The following DMD variants were observed in gnomAD, a reference collection of about 807,000 sequenced individuals.
DMD encodes dystrophin, also known as mutant dystrophin.
Under a neutral mutation model 330.1 loss-of-function variants are expected in DMD, and 63 were observed. That is an observed-to-expected ratio of 0.19 (90% CI 0.16 to 0.24). The LOEUF (loss-of-function observed/expected upper bound fraction) is 0.24. DMD is among the 10% of genes least tolerant of loss of function. DMD has a pLI of 1.00. For missense variants in DMD, 3,344 were observed against 2,684.1 expected (o/e 1.25, Z -5.43); for synonymous variants, 1,223 against 959.8 (o/e 1.27, Z -5.07).
intron 62 of DMD, among the ~76,000 whole-genome samples, chrX:31,284,605 C>T (rs1000799030): frequency 3.7e-4 from 34 of 91,087 alleles, no homozygotes; most frequent in African/African-American, 1.3e-3. Context: ...TCTTCTTCTT[C>T]TTTTTTTTGG....
intron 44 of DMD, among the ~76,000 whole-genome samples, chrX:32,097,616 C>A (rs1036217048): frequency 9.0e-6 from 1 of 111,341 alleles, no homozygotes; most frequent in African/African-American, 3.3e-5. Flanking sequence ...TACAAATCAA[C>A]CCTAAGTATA....
chrX:31,557,833 G>A (rs1449635749), intron 55 of DMD, among the ~76,000 whole-genome samples: 1 of 110,162 alleles, frequency 9.1e-6, no homozygotes, highest in African/African-American at 3.3e-5. Context: ...CGGCATAGAC[G>A]TGATACTCAC....
chrX:32,718,653 G>A (rs963315836), intron 7 of DMD, among the ~76,000 whole-genome samples: 10 of 111,798 alleles, frequency 8.9e-5, no homozygotes, highest in Non-Finnish European at 1.7e-4. Flanking sequence ...TTTACTGATA[G>A]GACTGACTAG....
chrX:31,973,837 G>A (rs372994881), intron 44 of DMD, among the ~76,000 whole-genome samples: 2 of 111,656 alleles, frequency 1.8e-5, no homozygotes, highest in East Asian at 2.8e-4. Flanking sequence ...AAGCATGACC[G>A]AATGAGGGCT....
At chrX:32,659,205 C>G in intron 9 of DMD, among the ~76,000 whole-genome samples, 1 of 112,151 alleles carries the variant, frequency 8.9e-6, no homozygotes, top group Non-Finnish European at 1.9e-5. Context: ...AGGACATTAG[C>G]TATATTCACC....
chrX:32,555,429 A>T (rs183409927), intron 16 of DMD, among the ~76,000 whole-genome samples: 41 of 111,876 alleles, frequency 3.7e-4, no homozygotes, highest in Non-Finnish European at 6.0e-4. Context: ...TAGTATTGGA[A>T]GTTCTGACCA....
chrX:33,099,168 C>T (rs997542785), intron 1 of DMD, among the ~76,000 whole-genome samples: 2 of 111,483 alleles, frequency 1.8e-5, no homozygotes, highest in African/African-American at 6.5e-5. Flanking sequence ...CTATTTATTC[C>T]CATTTAGATG....
At chrX:32,846,621 CCT>C (rs2080693688) in intron 3 of DMD, among the ~76,000 whole-genome samples, 1 of 107,996 alleles carries the variant, frequency 9.3e-6, no homozygotes, top group African/African-American at 3.4e-5. Context: ...TCCATTTTTA[CCT>C]CTTAGATTTT....
chrX:32,506,179 G>A (rs749453240), intron 18 of DMD, among the ~76,000 whole-genome samples: 1 of 111,330 alleles, frequency 9.0e-6, no homozygotes, highest in East Asian at 2.8e-4. Context: ...ATGAACTTTG[G>A]GAGATAATGA....
intron 2 of DMD, among the ~76,000 whole-genome samples, chrX:32,897,523 T>A (rs1178732212): frequency 8.9e-6 from 1 of 112,044 alleles, no homozygotes; most frequent in Non-Finnish European, 1.9e-5. Flanking sequence ...ATCCAAATTA[T>A]CCATTAATTG....
In DMD at chrX:31,263,512, T is replaced by C. The variant is rs779658882; in HGVS notation, c.9225-2496A>G. On this transcript the variant is annotated intron_variant, in intron 62 of 78. Coordinates refer to ENST00000357033, the MANE Select transcript of DMD (RefSeq NM_004006.3). The stretch of plus-strand genomic sequence containing the variant: ...CCTCGGCAAAACTGAAAATCTCCTT[T>C]ACTGGAAGAAGGAGGAAATTCTAAG... Among the ~76,000 whole-genome samples, 11 of 112,154 alleles carry C rather than the reference T, an allele frequency of 9.8e-5. No homozygotes were observed. The East Asian group carries it at 2.8e-3, about 29-fold the overall frequency.
Position 32,042,332 on chromosome X carries a change from G to C in DMD, c.6439-73818C>G, listed in dbSNP as rs1049628182. ...AGACCTCAGGAAACTTACAATCATA[G>C]TAGAAGGTGAAGGGCATAGTAGAAA... On this transcript the variant is annotated intron_variant, in intron 44 of 78. Coordinates refer to ENST00000357033, the MANE Select transcript of DMD (RefSeq NM_004006.3). Among the ~76,000 whole-genome samples, 4 of 109,058 alleles carry C rather than the reference G, an allele frequency of 3.7e-5. No individual in the cohort carries two copies. The East Asian group carries it at 1.2e-3, about 32-fold the overall frequency. The allele number at this position is 109,058 out of a possible 115,157, so 94.7% of individuals were successfully genotyped here.
intron 73 of DMD, among the ~76,000 whole-genome samples, chrX:31,171,976 A>T (rs1046003545): frequency 8.9e-6 from 1 of 111,959 alleles, no homozygotes; most frequent in Admixed American, 9.5e-5. Context: ...CCATGAGTGG[A>T]GAAAATAGTA....
Position 31,845,410 on chromosome X carries a change from T to TCTCTCTCTCC in DMD, c.7099-8592_7099-8591insGGAGAGAGAG, listed in dbSNP as rs1258817920. Among the ~76,000 whole-genome samples, 3 of 100,742 alleles carry TCTCTCTCTCC rather than the reference T, an allele frequency of 3.0e-5. No individual in the cohort carries two copies. The Admixed American group carries it at 3.2e-4, about 11-fold the overall frequency. The allele number at this position is 100,742 out of a possible 115,157, so 87.5% of individuals were successfully genotyped here. A position where few individuals can be genotyped will look rare whatever the true frequency, so the allele number is the denominator to read the frequency against. ...CTCTCTCTCTCTCTCTCTCTCTCTC[T>TCTCTCTCTCC]CTCTCTCTCTCTCTCCCTCTCCTCC... On this transcript the variant is annotated intron_variant, in intron 48 of 78. Coordinates refer to ENST00000357033, the MANE Select transcript of DMD (RefSeq NM_004006.3).
intron 38 of DMD, among the ~76,000 whole-genome samples, chrX:32,347,811 C>A (rs969669228): frequency 2.7e-5 from 3 of 111,459 alleles, no homozygotes; most frequent in Non-Finnish European, 5.7e-5. Flanking sequence ...GTAGTAGATA[C>A]TTTGAAATTA....
intron 1 of DMD, among the ~76,000 whole-genome samples, chrX:33,039,364 CAAACAAACAAACA>C (rs2094259467): frequency 9.3e-6 from 1 of 107,378 alleles, no homozygotes; most frequent in African/African-American, 3.4e-5. Context: ...CCCACCCCAC[CAAACAAACAAACA>C]AAACAAAAAG....
intron 43 of DMD, among the ~76,000 whole-genome samples, chrX:32,256,180 T>C (rs768061151): frequency 1.8e-5 from 2 of 111,469 alleles, no homozygotes; most frequent in South Asian, 7.5e-4. Context: ...TGGGTGCATA[T>C]ATATTTAGAA....
At chrX:31,532,153 C>T (rs1337882855) in intron 55 of DMD, among the ~76,000 whole-genome samples, 7 of 96,945 alleles carry the variant, frequency 7.2e-5, no homozygotes, top group South Asian at 9.6e-4. Context: ...AGATACTCCT[C>T]GAGAAGAGCA....
intron 9 of DMD, among the ~76,000 whole-genome samples, chrX:32,661,694 C>T (rs960053588): frequency 9.0e-6 from 1 of 111,270 alleles, no homozygotes; most frequent in Non-Finnish European, 1.9e-5. Flanking sequence ...CTTTTTCACC[C>T]TTAGAAATTT....
Sources: gnomAD v4.1 joint callset for allele counts (sites outside exome capture counted in the v4.1 genomes callset) on GRCh38, gnomAD v4.1.1 for gene constraint, MANE v1.5 for transcripts, NCBI Gene and HGNC (gene_info 2026-07-23, HGNC 2026-07-21) for gene names.